Variants in AGAP1 observed in about 807,000 individuals in gnomAD.
The protein encoded by AGAP1 is ArfGAP with GTPase domain, ankyrin repeat and PH domain 1, also known as arf-GAP with GTPase, ANK repeat and PH domain-containing protein 1.
AGAP1 carries 29 observed loss-of-function variants against 105.3 expected under a neutral mutation model. The ratio of observed to expected loss-of-function variants is 0.28; its 90% CI spans 0.21 to 0.38. The LOEUF (loss-of-function observed/expected upper bound fraction) is 0.38. AGAP1 is among the 10% of genes least tolerant of loss of function. The probability of loss-of-function intolerance (pLI) is 1.00; values close to 1 mark genes in which losing one functional copy is unlikely to be tolerated. For missense variants in AGAP1, 998 were observed against 1,165.1 expected (o/e 0.86, Z 2.09); for synonymous variants, 509 against 485.9 (o/e 1.05, Z -0.63).
intron 9 of AGAP1, among the ~76,000 whole-genome samples, chr2:235,881,769 C>T (rs1456851697): frequency 6.6e-6 from 1 of 152,212 alleles, no homozygotes; most frequent in Non-Finnish European, 1.5e-5. Flanking sequence ...AGAAGAAATT[C>T]TCAACCACCA....
At chr2:235,533,282 T>A (rs1482522520) in intron 1 of AGAP1, among the ~76,000 whole-genome samples, 1 of 152,226 alleles carries the variant, frequency 6.6e-6, no homozygotes, top group Non-Finnish European at 1.5e-5. Flanking sequence ...CTTTCTTTTT[T>A]AAAAAATTAA....
intron 1 of AGAP1, among the ~76,000 whole-genome samples, chr2:235,657,479 G>A (rs1158326821): frequency 6.6e-6 from 1 of 152,120 alleles, no homozygotes; most frequent in Non-Finnish European, 1.5e-5. Flanking sequence ...CTCGGGTTCA[G>A]GCAATTCTTC....
rs1159209638 is a variant in AGAP1 at position 236,003,260 on chromosome 2, G to A, written c.1646-33301G>A. Among the ~76,000 whole-genome samples, 2 of 152,160 alleles carry A rather than the reference G, an allele frequency of 1.3e-5. No individual in the cohort carries two copies. The highest frequency in any genetic ancestry group is 2.1e-4 in the South Asian group (1 of 4,826). On this transcript the variant is annotated intron_variant, in intron 13 of 17. Transcript: ENST00000304032. This position sits in a 1 kb window ranked among gnomAD's most constrained non-coding sequence, Gnocchi z 4.2. Reference sequence around the variant, plus strand: ...GGGTTTTGCCATGTTGCCCAGGCTGGTCTCGAACTCCTGGCCTCAGGTGAT... The same window carrying A: ...GGGTTTTGCCATGTTGCCCAGGCTGATCTCGAACTCCTGGCCTCAGGTGAT...
At position 236,040,960 on chromosome 2, in the gene AGAP1, CT is replaced by C; in HGVS notation, c.1891+123del. The C allele has an allele frequency of 1.0e-6, 1 of 966,396 alleles. No individual in the cohort carries two copies. The highest frequency in any genetic ancestry group is 1.6e-6 in the Non-Finnish European group (1 of 641,056). 59.9% of individuals were successfully genotyped at this position (966,396 alleles called of 1,614,324 possible). On this transcript the variant is annotated intron_variant, in intron 15 of 17. Transcript: ENST00000304032. This position sits in a 1 kb window ranked among gnomAD's most constrained non-coding sequence, Gnocchi z 5.6. Reference sequence around the variant, plus strand: ...CTGTTTGGCAGATAAGAGTTAACTGCTTTTAGGAAATTGAGATATTTTGTTT... The same window carrying C: ...CTGTTTGGCAGATAAGAGTTAACTGCTTTAGGAAATTGAGATATTTTGTTT...
At chr2:235,602,356 C>T (rs1009495309) in intron 1 of AGAP1, among the ~76,000 whole-genome samples, 5 of 152,168 alleles carry the variant, frequency 3.3e-5, no homozygotes, top group African/African-American at 9.6e-5. Flanking sequence ...TGTCTCTTGG[C>T]CCACAAAACC....
intron 9 of AGAP1, among the ~76,000 whole-genome samples, chr2:235,880,492 A>G (rs1189603945): frequency 6.6e-6 from 1 of 151,694 alleles, no homozygotes; most frequent in Admixed American, 6.6e-5. Context: ...AACTTGAGTG[A>G]GGGCGAGGCG....
At chr2:235,868,447 C>T (rs953996236) in intron 9 of AGAP1, among the ~76,000 whole-genome samples, 5 of 152,122 alleles carry the variant, frequency 3.3e-5, no homozygotes, top group Non-Finnish European at 5.9e-5. Context: ...TGGTTGTGGA[C>T]GTGCCTGTTG....
chr2:235,576,062 C>T (rs62189173), intron 1 of AGAP1, among the ~76,000 whole-genome samples: 12,966 of 152,172 alleles, frequency 0.085, 780 homozygotes, highest in Non-Finnish European at 0.13. Context: ...TGTGATAAGC[C>T]GCTGTGTGGC....
intron 1 of AGAP1, among the ~76,000 whole-genome samples, chr2:235,538,453 G>GTGTGTGTT (rs1419105095): frequency 6.6e-6 from 1 of 151,312 alleles, no homozygotes; most frequent in Admixed American, 6.6e-5. Flanking sequence ...GTGTGTGTGT[G>GTGTGTGTT]TGTGTGTGCA....
rs1334738675 is a variant in AGAP1, at chr2:235,879,935, T to C, written c.1051-3410T>C. ...ACCTGGGCAACAGAGCGAGACCTTA[T>C]CTCTACAAAAAACAGAAATAAAAAA... is the stretch of plus-strand genomic sequence containing the variant. On this transcript the variant is annotated intron_variant, in intron 9 of 17. Transcript: ENST00000304032. This position sits in a 1 kb window ranked among gnomAD's most constrained non-coding sequence, Gnocchi z 5.0. Among the ~76,000 whole-genome samples the C allele has an allele frequency of 1.3e-5, 2 of 151,584 alleles. No individual in the cohort carries two copies. Among genetic ancestry groups the C allele is most frequent in the African/African-American group, 2.4e-5 (1 of 41,190 alleles).
intron 11 of AGAP1, among the ~76,000 whole-genome samples, chr2:235,910,286 G>GGGCAGTCACTGAGCTGGTGCCTTCCCA (rs2051537777): frequency 1.3e-4 from 1 of 7,686 alleles, no homozygotes; most frequent in East Asian, 0.01. Flanking sequence ...TGCCTGTGTT[G>GGGCAGTCACTGAGCTGGTGCCTTCCCA]CAGGGGGGCG....
At chr2:235,634,544 T>G (rs531863987) in intron 1 of AGAP1, among the ~76,000 whole-genome samples, 85 of 152,292 alleles carry the variant, frequency 5.6e-4, no homozygotes, top group Non-Finnish European at 9.7e-4. Flanking sequence ...CAAGCCCATC[T>G]CTAATCAGTT....
intron 1 of AGAP1, among the ~76,000 whole-genome samples, chr2:235,579,982 A>G (rs1461570985): frequency 2.0e-5 from 3 of 151,782 alleles, no homozygotes; most frequent in Non-Finnish European, 4.4e-5. Flanking sequence ...GACATTTCAT[A>G]TAAACAGAAC....
chr2:236,024,478 T>C (rs966555038), intron 13 of AGAP1, among the ~76,000 whole-genome samples: 3 of 152,054 alleles, frequency 2.0e-5, no homozygotes, highest in African/African-American at 7.2e-5. Context: ...GCCTCCCTCC[T>C]TCCCTCCCCT....
chr2:235,721,574 G>T lies in AGAP1; in HGVS notation c.310+3930G>T, dbSNP rs1366656254. Among the ~76,000 whole-genome samples, 1 of 152,218 alleles carries T rather than the reference G, an allele frequency of 6.6e-6. No individual in the cohort carries two copies. Among genetic ancestry groups the T allele is most frequent in the Non-Finnish European group, 1.5e-5 (1 of 68,030 alleles). ...CTGTAGTAACGAACTGCCACACACA[G>T]TGTGGCTTAAAACAGAAATGTATTC... On this transcript the variant is annotated intron_variant, in intron 3 of 17. Transcript: ENST00000304032. The surrounding 1 kb of genome is among the most constrained non-coding windows in gnomAD (Gnocchi z 4.5).
chr2:236,024,631 G>A (rs2056994491), intron 13 of AGAP1, among the ~76,000 whole-genome samples: 1 of 152,112 alleles, frequency 6.6e-6, no homozygotes, highest in Non-Finnish European at 1.5e-5. Flanking sequence ...ATGACGGATT[G>A]GCCCATTAAC....
chr2:235,817,623 C>T (rs890561276), intron 9 of AGAP1, among the ~76,000 whole-genome samples: 4 of 151,884 alleles, frequency 2.6e-5, no homozygotes, highest in Admixed American at 6.6e-5. Context: ...GGGTGCGGTG[C>T]GTCATGCCTG....
chr2:235,854,219 T>C (rs2048592129), intron 9 of AGAP1, among the ~76,000 whole-genome samples: 1 of 152,158 alleles, frequency 6.6e-6, no homozygotes. Context: ...TGATCAAGTG[T>C]TGACAACTCC....
chr2:236,024,021 G>GTT (rs1278589760), intron 13 of AGAP1, among the ~76,000 whole-genome samples: 3 of 112,150 alleles, frequency 2.7e-5, no homozygotes, highest in East Asian at 2.5e-4. Flanking sequence ...GTGGTTGGTT[G>GTT]TTTTTTTTTT....
Sources: gnomAD v4.1 joint callset for allele counts (sites outside exome capture counted in the v4.1 genomes callset) on GRCh38, gnomAD v4.1.1 for gene constraint, Gnocchi (gnomAD v3.1) non-coding constraint, MANE v1.5 for transcripts, NCBI Gene and HGNC (gene_info 2026-07-23, HGNC 2026-07-21) for gene names.